ARAP2: variants seen among roughly 807,000 people sequenced by gnomAD.
ARAP2 encodes ArfGAP with RhoGAP domain, ankyrin repeat and PH domain 2.
In ARAP2, 148 loss-of-function variants were observed where a neutral mutation model predicts 194.5. The observed-to-expected ratio is 0.76, with a 90% CI of 0.67 to 0.87. The LOEUF is 0.87. Ranked by LOEUF, ARAP2 falls within the 40% of genes least tolerant of loss-of-function variation. The pLI, the probability that ARAP2 is intolerant of heterozygous loss-of-function variation, is 0.00. For missense variants in ARAP2, 2,128 were observed against 1,989.7 expected (o/e 1.07, Z -1.32); for synonymous variants, 695 against 683.5 (o/e 1.02, Z -0.26).
intron 5 of ARAP2, among the ~76,000 whole-genome samples, chr4:36,029,402 C>A (rs11096795): frequency 0.69 from 105,479 of 151,838 alleles, 38,216 homozygotes; most frequent in Admixed American, 0.83. Flanking sequence ...CCTCAACTTG[C>A]ATTAAGATTA....
rs759684183 is a variant in ARAP2 at position 36,161,468 on chromosome 4, G to A, written c.2256C>T (p.Ile752=). Residue 752 remains isoleucine, a synonymous_variant, in exon 12 of 33, where the codon ATC becomes ATT. Transcript: ENST00000303965. ...MDASIWSNEL[I]ELFIVIGNKR... ...ATTCAGGTTAAATAGGACTCACCTC[G>A]ATGAGTTCATTGCTCCAAATGCTAG... The A allele has an allele frequency of 8.1e-6, 13 of 1,612,900 alleles. No individual in the cohort carries two copies. The highest frequency in any genetic ancestry group is 2.2e-5 in the East Asian group (1 of 44,868).
chr4:36,141,255 CA>C (rs1310950665), intron 19 of ARAP2, among the ~76,000 whole-genome samples: 4 of 151,476 alleles, frequency 2.6e-5, no homozygotes, highest in African/African-American at 9.7e-5. Flanking sequence ...TTTGCACAAA[CA>C]GTACTAAGGT....
chr4:36,206,476 G>A (rs2109251635), intron 6 of ARAP2, among the ~76,000 whole-genome samples: 1 of 152,204 alleles, frequency 6.6e-6, no homozygotes, highest in Admixed American at 6.5e-5. Flanking sequence ...TCACCTCTAT[G>A]AGTACCTTTC....
chr4:36,038,616 A>G (rs554105739), intron 5 of ARAP2, among the ~76,000 whole-genome samples: 1 of 152,336 alleles, frequency 6.6e-6, no homozygotes, highest in African/African-American at 2.4e-5. Flanking sequence ...TTATACAGCC[A>G]CTTTGAATAT....
intron 21 of ARAP2, among the ~76,000 whole-genome samples, chr4:36,125,426 T>C (rs1438258493): frequency 6.6e-6 from 1 of 151,982 alleles, no homozygotes; most frequent in Non-Finnish European, 1.5e-5. Flanking sequence ...CATGAAATTA[T>C]AAAAATCTTT....
intron 25 of ARAP2, among the ~76,000 whole-genome samples, 184 bp downstream of exon 25, chr4:36,116,877 T>C (rs996633403): frequency 6.6e-6 from 1 of 151,788 alleles, no homozygotes; most frequent in Non-Finnish European, 1.5e-5. Context: ...ACATAAGATG[T>C]TCTCTTTCCA....
intron 5 of ARAP2, among the ~76,000 whole-genome samples, chr4:36,034,232 A>T (rs1038597307): frequency 1.3e-5 from 2 of 152,044 alleles, no homozygotes; most frequent in Non-Finnish European, 2.9e-5. Context: ...ATTTCTTTGG[A>T]CAGTATGGTC....
chr4:36,231,270 A>C (rs1272648083), intron 1 of ARAP2, among the ~76,000 whole-genome samples: 3 of 152,194 alleles, frequency 2.0e-5, no homozygotes, highest in Non-Finnish European at 4.4e-5. Context: ...TGGGAGGCGG[A>C]GGTTGCAGTA....
chr4:36,213,569 C>T (rs760805841), intron 3 of ARAP2, among the ~76,000 whole-genome samples: 4 of 152,080 alleles, frequency 2.6e-5, no homozygotes, highest in Non-Finnish European at 5.9e-5. Flanking sequence ...CAACCTGTCA[C>T]ACATGTCCTT....
intron 15 of ARAP2, among the ~76,000 whole-genome samples, chr4:36,153,952 C>G (rs1731625326): frequency 6.6e-6 from 1 of 152,150 alleles, no homozygotes; most frequent in African/African-American, 2.4e-5. Context: ...AGTTAATCGA[C>G]ATTCCTGAGG....
At chr4:36,038,345 T>C (rs963706277) in intron 5 of ARAP2, among the ~76,000 whole-genome samples, 5 of 152,088 alleles carry the variant, frequency 3.3e-5, no homozygotes, top group African/African-American at 1.2e-4. Context: ...ATAATGGAGG[T>C]CAGAGAAGCA....
chr4:36,187,698 T>C (rs1740886059), intron 7 of ARAP2, 127 bp from the exon 8 acceptor site: 1 of 714,758 alleles, frequency 1.4e-6, no homozygotes, highest in Admixed American at 3.5e-5. Context: ...TTAAATGCCA[T>C]ACAAGTAATT....
At chr4:36,008,721 C>T (rs1713819867) in intron 9 of ARAP2, among the ~76,000 whole-genome samples, 1 of 151,992 alleles carries the variant, frequency 6.6e-6, no homozygotes, top group African/African-American at 2.4e-5. Flanking sequence ...TAAAGAGTTT[C>T]TGCATAGCAA....
chr4:36,158,785 TAA>T lies in ARAP2; in HGVS notation c.2695_2696del (p.Leu899IlefsTer9). On this transcript the variant is annotated frameshift_variant, in exon 15 of 33. Transcript: ENST00000303965. LOFTEE classifies it high-confidence loss of function. Reference sequence around the variant, plus strand: ...TAGAAGCAGCAGAAGGAGCTTGATATAAAAAGTCACAGAGGAATGTGGACTGG... The same window carrying T: ...TAGAAGCAGCAGAAGGAGCTTGATATAAAGTCACAGAGGAATGTGGACTGG... ...SSQSTFLCDF[L>X]YQAPSAASKL... 6.2e-7 allele frequency: 1 copy of T among 1,612,334 alleles called. No individual in the cohort carries two copies. Among genetic ancestry groups the T allele is most frequent in the East Asian group, 2.2e-5 (1 of 44,730 alleles).
At chr4:36,159,581 T>G in intron 13 of ARAP2, 76 bp from the exon 14 acceptor site, 1 of 1,227,916 alleles carries the variant, frequency 8.1e-7, no homozygotes, top group Non-Finnish European at 1.1e-6. Context: ...GAAAGTCTGA[T>G]AATTTCATGT....
chr4:36,197,670 A>AG (rs748735626), intron 6 of ARAP2, among the ~76,000 whole-genome samples: 4 of 152,148 alleles, frequency 2.6e-5, no homozygotes, highest in Non-Finnish European at 5.9e-5. Context: ...TGGAGCAGTG[A>AG]GGGGTGTGTG....
At position 36,172,714 on chromosome 4, in the gene ARAP2, A is replaced by G. The variant is rs191737912; in HGVS notation, c.1857+5113T>C. Among the ~76,000 whole-genome samples, 27 of 152,266 alleles carry G rather than the reference A, an allele frequency of 1.8e-4. No individual in the cohort carries two copies. The East Asian group carries it at 5.0e-3, about 28-fold the overall frequency. On this transcript the variant is annotated intron_variant, in intron 9 of 32. Transcript: ENST00000303965. ...AACCCCAAATCTGCTGAAATCTCAA[A>G]CCTATTTTTGGAATTACTGGATGCC... is the stretch of plus-strand genomic sequence containing the variant.
chr4:36,019,446 T>C (rs1271226097), intron 5 of ARAP2, among the ~76,000 whole-genome samples: 2 of 149,350 alleles, frequency 1.3e-5, no homozygotes, highest in African/African-American at 5.2e-5. Context: ...ACAAAGACAA[T>C]AGAAAACTTA....
rs1211945896 is a variant in ARAP2 at position 36,165,067 on chromosome 4, C to A, written c.2020G>T (p.Val674Leu). Residue 674 changes from valine to leucine, a missense_variant, in exon 11 of 33, where the codon GTG becomes TTG. By Grantham distance (32) the Val-to-Leu change is conservative. Coordinates refer to ENST00000303965, the MANE Select transcript of ARAP2 (RefSeq NM_015230.4). The part of the protein sequence containing the change: ...EKEKQDWIEA[V>L]QQSIAETLSD... ...AGAGTTTCTGCTATTGATTGCTGCA[C>A]AGCTTCAATCCAGTCTTGTTTCTCC... 2 of 1,614,082 alleles carry A rather than the reference C, an allele frequency of 1.2e-6. No individual in the cohort carries two copies. The highest frequency in any genetic ancestry group is 1.7e-6 in the Non-Finnish European group (2 of 1,179,940).
Sources: gnomAD v4.1 joint callset for allele counts (sites outside exome capture counted in the v4.1 genomes callset) on GRCh38, gnomAD v4.1.1 for gene constraint, MANE v1.5 for transcripts, NCBI Gene and HGNC (gene_info 2026-07-23, HGNC 2026-07-21) for gene names.